SCGB2B2: variants seen among roughly 807,000 people sequenced by gnomAD.
SCGB2B2 encodes the protein secretoglobin-like protein.
A neutral mutation model predicts 7.6 loss-of-function variants in SCGB2B2; 11 were observed. The observed-to-expected ratio is 1.45, with a 90% CI of 0.91 to 2.40. The LOEUF is 2.40. Ranked by LOEUF, SCGB2B2 falls within the 30% of genes most tolerant of loss-of-function variation. The probability of loss-of-function intolerance (pLI) is 0.00; values close to 1 mark genes in which losing one functional copy is unlikely to be tolerated. For missense variants in SCGB2B2, 104 were observed against 115.4 expected, an observed-to-expected ratio of 0.90 and a Z score of 0.45; for synonymous variants, 50 against 48.6, an observed-to-expected ratio of 1.03 and a Z score of -0.12.
At chr19:34,589,397 G>T (rs1463977533), downstream of SCGB2B2, among the ~76,000 whole-genome samples, 1 of 152,164 alleles carries the variant, frequency 6.6e-6, no homozygotes. Flanking sequence ...CAGAGGTTTT[G>T]CTCAGGAGTC....
At chr19:34,634,355 C>T (rs1375652246) in intron 1 of SCGB2B2, among the ~76,000 whole-genome samples, 1 of 152,150 alleles carries the variant, frequency 6.6e-6, no homozygotes, top group Non-Finnish European at 1.5e-5. Context: ...CTAAGGTACA[C>T]TTGCCAGCTG....
chr19:34,668,930 C>G (rs1025743559), intron 1 of SCGB2B2, among the ~76,000 whole-genome samples: 1 of 152,100 alleles, frequency 6.6e-6, no homozygotes, highest in South Asian at 2.1e-4. Flanking sequence ...TAAAAGCAGG[C>G]TGCCCCAGCC....
At position 34,594,980 on chromosome 19, in the gene SCGB2B2, C is replaced by T. The variant is rs1246254082; in HGVS notation, c.-417G>A. 4.8e-6 allele frequency: 1 copy of T among 206,558 alleles called. No homozygotes were observed. Among genetic ancestry groups the T allele is most frequent in the East Asian group, 1.1e-4 (1 of 8,816 alleles). The allele number at this position is 206,558 out of a possible 1,614,324, so 12.8% of individuals were successfully genotyped here. ...CAGAATCTGCCACTGAGTGCTGGCT[C>T]AACAAACATTTGCTAAGTGAGTATG... is the stretch of plus-strand genomic sequence containing the variant. On this transcript the variant is annotated 5_prime_UTR_variant, in exon 2 of 4. Transcript: ENST00000601241.
intron 1 of SCGB2B2, among the ~76,000 whole-genome samples, chr19:34,615,634 T>C (rs2066052539): frequency 6.6e-6 from 1 of 152,176 alleles, no homozygotes; most frequent in African/African-American, 2.4e-5. Context: ...CCTGTAATTT[T>C]ATTTTCTTGT....
chr19:34,598,523 C>T (rs757358758), intron 1 of SCGB2B2, among the ~76,000 whole-genome samples: 6 of 151,790 alleles, frequency 4.0e-5, no homozygotes, highest in Admixed American at 3.9e-4. Flanking sequence ...GATTTTTGGA[C>T]ACCTCAGCCA....
rs568979883 is a variant in SCGB2B2 at position 34,676,034 on chromosome 19, T to C, written c.-2436A>G. 1.6e-4 allele frequency: 24 copies of C among 152,318 alleles called. No homozygotes were observed. The highest frequency in any genetic ancestry group is 5.8e-4 in the African/African-American group (24 of 41,556). The allele number at this position is 152,318 out of a possible 1,614,324, so 9.4% of individuals were successfully genotyped here. ...ACCTGGGAAGTAGACCCCAGCGCGG[T>C]TGCCGCTGGTTGTTCGGGTGGCCCG... is the stretch of plus-strand genomic sequence containing the variant. On this transcript the variant is annotated 5_prime_UTR_variant, in exon 1 of 4. Coordinates refer to ENST00000601241, the MANE Select transcript of SCGB2B2 (RefSeq NM_001025591.4).
intron 1 of SCGB2B2, among the ~76,000 whole-genome samples, chr19:34,619,691 C>T (rs1011089188): frequency 9.2e-5 from 14 of 152,140 alleles, no homozygotes; most frequent in Admixed American, 6.5e-5. Context: ...ATTCCCTAAG[C>T]CAGGAATTGA....
In SCGB2B2 at chr19:34,634,621, G is replaced by A. The variant is rs570187068; in HGVS notation, c.-2031-38027C>T. ...ACCAAGCAGACAGCATCCTCCCTGC[G>A]TTCCAAGGCCTTCCTCCAGGGTGAA... On this transcript the variant is annotated intron_variant, in intron 1 of 3. Coordinates refer to ENST00000601241, the MANE Select transcript of SCGB2B2 (RefSeq NM_001025591.4). Among the ~76,000 whole-genome samples, 20 of 152,242 alleles carry A rather than the reference G, an allele frequency of 1.3e-4. No individual in the cohort carries two copies. The East Asian group carries it at 2.5e-3, about 19-fold the overall frequency.
rs2067975007 is a variant in SCGB2B2 at position 34,676,907 on chromosome 19, G to C, written c.-3309C>G. 1.3e-5 allele frequency: 2 copies of C among 152,242 alleles called. No individual in the cohort carries two copies. The highest frequency in any genetic ancestry group is 2.1e-4 in the South Asian group (1 of 4,836). 9.4% of individuals were successfully genotyped at this position (152,242 alleles called of 1,614,324 possible). ...TGGGCCTAAGAAGCACTTCTGGGGAGAGGGGGCGTCAGGCTGTGATGGCTG... is the reference window on the plus strand; with the variant it reads ...TGGGCCTAAGAAGCACTTCTGGGGACAGGGGGCGTCAGGCTGTGATGGCTG... On this transcript the variant is annotated 5_prime_UTR_variant, in exon 1 of 4. Coordinates refer to ENST00000601241, the MANE Select transcript of SCGB2B2 (RefSeq NM_001025591.4).
At chr19:34,643,895 A>G (rs2902474) in intron 1 of SCGB2B2, among the ~76,000 whole-genome samples, 140,839 of 151,740 alleles carry the variant, frequency 0.93, 65,808 homozygotes, top group Middle Eastern at 0.98. Flanking sequence ...AAGAAGTCAG[A>G]AAGTTAAGCA....
rs1349153235 is a variant in SCGB2B2, at chr19:34,591,512, C to G, written c.*2043G>C. On this transcript the variant is annotated 3_prime_UTR_variant, in exon 4 of 4. Coordinates refer to ENST00000601241, the MANE Select transcript of SCGB2B2 (RefSeq NM_001025591.4). ...TGCCGCCCCCGTTGCTCTATTCCAA[C>G]AGGGAAAGTGTGACCTCGTAAGTCC... Among the ~76,000 whole-genome samples the G allele has an allele frequency of 6.6e-6, 1 of 152,218 alleles. No homozygotes were observed. The highest frequency in any genetic ancestry group is 1.5e-5 in the Non-Finnish European group (1 of 68,040).
chr19:34,623,295 G>A (rs933603602), intron 1 of SCGB2B2, among the ~76,000 whole-genome samples: 3 of 152,158 alleles, frequency 2.0e-5, no homozygotes, highest in Admixed American at 6.5e-5. Context: ...AGGGTCTGAC[G>A]ATTAAAAGAG....
chr19:34,612,018 AATTC>A lies in SCGB2B2; in HGVS notation c.-2031-15428_-2031-15425del, dbSNP rs1218521540. On this transcript the variant is annotated intron_variant, in intron 1 of 3. Transcript: ENST00000601241. ...ATTTTCATATATTTGTGTTTTAGAAAATTCTTTTTTTTTTTTTTTTTTTTTTTTT... is the reference window on the plus strand; with the variant it reads ...ATTTTCATATATTTGTGTTTTAGAAATTTTTTTTTTTTTTTTTTTTTTTTT... 6.4e-3 allele frequency among the ~76,000 whole-genome samples: 504 copies of A among 78,578 alleles called. 4 individuals are homozygous for A. The highest frequency in any genetic ancestry group is 0.025 in the East Asian group (71 of 2,868). 51.6% of individuals were successfully genotyped at this position (78,578 alleles called of 152,430 possible). A position where few individuals can be genotyped will look rare whatever the true frequency, so the allele number is the denominator to read the frequency against.
At chr19:34,608,449 C>G (rs527885152) in intron 1 of SCGB2B2, among the ~76,000 whole-genome samples, 1 of 150,350 alleles carries the variant, frequency 6.7e-6, no homozygotes. Flanking sequence ...GGCTATAAAC[C>G]CCTCTCCCAA....
intron 1 of SCGB2B2, among the ~76,000 whole-genome samples, chr19:34,650,435 C>T (rs776746517): frequency 1.5e-4 from 23 of 151,072 alleles, no homozygotes; most frequent in Non-Finnish European, 2.6e-4. Flanking sequence ...GGTTGATTTT[C>T]CATGGTTAGA....
chr19:34,617,259 T>C (rs1322980627), intron 1 of SCGB2B2, among the ~76,000 whole-genome samples: 1 of 151,268 alleles, frequency 6.6e-6, no homozygotes, highest in Non-Finnish European at 1.5e-5. Context: ...GCATTGAATC[T>C]GTAAATTACC....
intron 1 of SCGB2B2, among the ~76,000 whole-genome samples, chr19:34,614,558 A>T (rs1012654216): frequency 6.6e-6 from 1 of 152,000 alleles, no homozygotes; most frequent in African/African-American, 2.4e-5. Flanking sequence ...TATCTTGTCG[A>T]GTTTCCTTAA....
chr19:34,586,243 AAATT>A (rs1446017169), downstream of SCGB2B2, among the ~76,000 whole-genome samples: 2 of 152,212 alleles, frequency 1.3e-5, no homozygotes, highest in African/African-American at 4.8e-5. Context: ...TTATTAAATT[AAATT>A]ATTTTGTTTT....
intron 1 of SCGB2B2, among the ~76,000 whole-genome samples, chr19:34,627,402 G>A (rs936624295): frequency 6.6e-6 from 1 of 152,038 alleles, no homozygotes; most frequent in Non-Finnish European, 1.5e-5. Flanking sequence ...CAAAATAAAG[G>A]GATGGAGGAA....
Sources: gnomAD v4.1 joint callset for allele counts (sites outside exome capture counted in the v4.1 genomes callset) on GRCh38, gnomAD v4.1.1 for gene constraint, MANE v1.5 for transcripts, NCBI Gene and HGNC (gene_info 2026-07-23, HGNC 2026-07-21) for gene names.